The following UBE2Q1 variants were observed in gnomAD, a reference collection of about 807,000 sequenced individuals.
UBE2Q1 encodes the protein ubiquitin-conjugating enzyme E2 Q1.
UBE2Q1 carries 6 observed loss-of-function variants against 60.1 expected under a neutral mutation model. The observed-to-expected ratio is 0.10, with a 90% CI of 0.05 to 0.20. UBE2Q1 has a LOEUF of 0.20. Ranked by LOEUF, UBE2Q1 falls within the 10% of genes least tolerant of loss-of-function variation. The pLI is 1.00. For synonymous variants in UBE2Q1, 226 were observed against 208.3 expected, an observed-to-expected ratio of 1.09 and a Z score of -0.73; for missense variants, 262 against 525.8, an observed-to-expected ratio of 0.50 and a Z score of 4.91.
chr1:154,553,310 A>G (rs1010979521), intron 4 of UBE2Q1, 138 bp from the exon 5 acceptor site: 2 of 1,117,126 alleles, frequency 1.8e-6, no homozygotes, highest in Non-Finnish European at 2.5e-6. Context: ...AGTCTTATAA[A>G]CGCAACGTGC....
rs1317814053 is a variant in UBE2Q1 at position 154,550,673 on chromosome 1, G to A, written c.1238-204C>T. On this transcript the variant is annotated intron_variant, in intron 12 of 12. Coordinates refer to ENST00000292211, the MANE Select transcript of UBE2Q1 (RefSeq NM_017582.7). Reference sequence around the variant, plus strand: ...ATGATGTGCCCAACCTGAGATGATGGGAGAGTTAGATGAGCTTTTTCAAAA... The same window carrying A: ...ATGATGTGCCCAACCTGAGATGATGAGAGAGTTAGATGAGCTTTTTCAAAA... The A allele has an allele frequency of 4.1e-6, 4 of 985,242 alleles. No homozygotes were observed. The Admixed American group carries it at 2.5e-4, about 61-fold the overall frequency. The allele number at this position is 985,242 out of a possible 1,614,324, so 61.0% of individuals were successfully genotyped here.
At position 154,553,099 on chromosome 1, in the gene UBE2Q1, C is replaced by T; in HGVS notation, c.662G>A (p.Gly221Asp). Residue 221 changes from glycine to aspartate, a missense_variant, in exon 5 of 13, where the codon GGC becomes GAC. Coordinates refer to ENST00000292211, the MANE Select transcript of UBE2Q1 (RefSeq NM_017582.7). ...GATGGCCAAGTTTTCTTTTCCAATG[C>T]CATCATCTTCAGATTTCTTGCCCTC... ...PAEGKKSEDD[G>D]IGKENLAILE... The T allele has an allele frequency of 6.2e-7, 1 of 1,614,092 alleles. No homozygotes were observed. The highest frequency in any genetic ancestry group is 8.5e-7 in the Non-Finnish European group (1 of 1,180,032).
Position 154,558,614 on chromosome 1 carries a change from T to TCCG in UBE2Q1, c.-64_-62dup, listed in dbSNP as rs368389808. On this transcript the variant is annotated 5_prime_UTR_variant, in exon 1 of 13. Coordinates refer to ENST00000292211, the MANE Select transcript of UBE2Q1 (RefSeq NM_017582.7). ...GGAGCCTCCGGCCTGCGCTCCGGGCTCCGCCGCCGCCGCCGCCGCCGCCGC... is the reference window on the plus strand; with the variant it reads ...GGAGCCTCCGGCCTGCGCTCCGGGCTCCGCCGCCGCCGCCGCCGCCGCCGCCGC... The TCCG allele has an allele frequency of 5.6e-3, 5,103 of 915,924 alleles. 12 individuals are homozygous for TCCG. Among genetic ancestry groups the TCCG allele is most frequent in the African/African-American group, 0.011 (563 of 52,996 alleles). The allele number at this position is 915,924 out of a possible 1,614,324, so 56.7% of individuals were successfully genotyped here.
At chr1:154,555,612 G>C in intron 2 of UBE2Q1, 80 bp from the exon 3 acceptor site, 1 of 1,331,020 alleles carries the variant, frequency 7.5e-7, no homozygotes, top group Non-Finnish European at 1.1e-6. Context: ...TCTTAGTTTG[G>C]GCCCCACACC....
chr1:154,553,303 C>A, intron 4 of UBE2Q1, 131 bp from the exon 5 acceptor site: 1 of 1,181,946 alleles, frequency 8.5e-7, no homozygotes, highest in Non-Finnish European at 1.2e-6. Context: ...ATCTAGCAGT[C>A]TTATAAACGC....
At chr1:154,554,382 C>T (rs893626209) in intron 4 of UBE2Q1, among the ~76,000 whole-genome samples, 1 of 152,190 alleles carries the variant, frequency 6.6e-6, no homozygotes, top group Admixed American at 6.5e-5. Flanking sequence ...CAACCATATG[C>T]AGTAGGTATT....
intron 4 of UBE2Q1, 93 bp from the exon 5 acceptor site, chr1:154,553,265 A>G: frequency 1.3e-6 from 2 of 1,494,276 alleles, no homozygotes; most frequent in East Asian, 4.6e-5. Context: ...CATTTGGCGA[A>G]GAGCCAAAAG....
Position 154,556,149 on chromosome 1 carries a change from G to C in UBE2Q1, c.328-185C>G, listed in dbSNP as rs555549442. On this transcript the variant is annotated intron_variant, in intron 1 of 12. Transcript: ENST00000292211. Reference sequence around the variant, plus strand: ...CAGCTTCACAACAAATTCTAAACTGGAAGAAAAACAGTCCCTGGGAAGACC... The same window carrying C: ...CAGCTTCACAACAAATTCTAAACTGCAAGAAAAACAGTCCCTGGGAAGACC... Among the ~76,000 whole-genome samples the C allele has an allele frequency of 2.7e-5, 4 of 148,130 alleles. No homozygotes were observed. In the Admixed American group the frequency reaches 2.8e-4, roughly 10 times the overall value.
rs1241671911 is a variant in UBE2Q1 at position 154,558,428 on chromosome 1, C to A, written c.126G>T (p.Arg42Ser). Residue 42 changes from arginine to serine, a missense_variant, in exon 1 of 13, where the codon AGG (arginine) becomes AGT (serine). Coordinates refer to ENST00000292211, the MANE Select transcript of UBE2Q1 (RefSeq NM_017582.7). ...TGGACTCGAGCAGCTTCAGCTCTCG[C>A]CTCAGGCAGGGCCCCGGCCCCGGGC... ...GGGPGPGPCL[R>S]RELKLLESIF... 2.7e-6 allele frequency: 4 copies of A among 1,503,282 alleles called. No homozygotes were observed. The highest frequency in any genetic ancestry group is 2.7e-6 in the Non-Finnish European group (3 of 1,130,058). 93.1% of individuals were successfully genotyped at this position (1,503,282 alleles called of 1,614,324 possible). A position where few individuals can be genotyped will look rare whatever the true frequency, so the allele number is the denominator to read the frequency against.
At chr1:154,557,196 A>G (rs1695905897) in intron 1 of UBE2Q1, among the ~76,000 whole-genome samples, 1 of 152,228 alleles carries the variant, frequency 6.6e-6, no homozygotes, top group Admixed American at 6.5e-5. Context: ...TCAGGCCCCC[A>G]AGTAGCAGAG....
Position 154,558,302 on chromosome 1 carries a change from C to G in UBE2Q1, c.252G>C (p.Gly84=). The G allele has an allele frequency of 6.3e-7, 1 of 1,583,074 alleles. No individual in the cohort carries two copies. Among genetic ancestry groups the G allele is most frequent in the Non-Finnish European group, 8.6e-7 (1 of 1,168,110 alleles). Residue 84 remains glycine, a synonymous_variant, in exon 1 of 13, where the codon GGG becomes GGC. Coordinates refer to ENST00000292211, the MANE Select transcript of UBE2Q1 (RefSeq NM_017582.7). ...LLAGAGGAGA[G]AAPGPHLPPR... ...GGGGGAGATGCGGTCCGGGCGCGGC[C>G]CCCGCCCCGGCCCCTCCGGCCCCAG...
intron 12 of UBE2Q1, 117 bp downstream of exon 12, chr1:154,550,821 T>A: frequency 6.3e-7 from 1 of 1,582,588 alleles, no homozygotes; most frequent in Non-Finnish European, 8.6e-7. Flanking sequence ...GCAGGTGCTG[T>A]GTTAATGGGT....
At chr1:154,553,915 T>C (rs749788673) in intron 4 of UBE2Q1, among the ~76,000 whole-genome samples, 15 of 152,302 alleles carry the variant, frequency 9.8e-5, no homozygotes, top group Non-Finnish European at 2.2e-4. Context: ...CGTCAGCCCT[T>C]TGCCAGTCTC....
rs1695749769 is a variant in UBE2Q1, at chr1:154,549,201, C to G, written c.*1237G>C. 1 of 152,308 alleles carries G rather than the reference C, an allele frequency of 6.6e-6. No individual in the cohort carries two copies. The highest frequency in any genetic ancestry group is 1.5e-5 in the Non-Finnish European group (1 of 68,088). The allele number at this position is 152,308 out of a possible 1,614,324, so 9.4% of individuals were successfully genotyped here. A position where few individuals can be genotyped will look rare whatever the true frequency, so the allele number is the denominator to read the frequency against. ...AGTCATGCCCAAACTTTTACAACAG[C>G]AAGTACATACAACACAGCACTGACA... On this transcript the variant is annotated 3_prime_UTR_variant, in exon 13 of 13. Coordinates refer to ENST00000292211, the MANE Select transcript of UBE2Q1 (RefSeq NM_017582.7).
chr1:154,555,797 G>C, intron 2 of UBE2Q1, 63 bp downstream of exon 2: 1 of 1,450,180 alleles, frequency 6.9e-7, no homozygotes, highest in Non-Finnish European at 9.7e-7. Context: ...CCCTTTCACA[G>C]GATGCCTTTG....
intron 1 of UBE2Q1, among the ~76,000 whole-genome samples, chr1:154,557,892 G>A (rs1311782666): frequency 6.6e-6 from 1 of 152,016 alleles, no homozygotes; most frequent in Non-Finnish European, 1.5e-5. Context: ...AAGAGTAAGG[G>A]GAAGAAAGAC....
chr1:154,550,769 T>C, intron 12 of UBE2Q1, 169 bp downstream of exon 12: 1 of 985,352 alleles, frequency 1.0e-6, no homozygotes, highest in East Asian at 1.1e-4. Context: ...TGGAAGAGGT[T>C]GTGAATGTTA....
At chr1:154,556,043 C>T (rs753224331) in intron 1 of UBE2Q1, 79 bp from the exon 2 acceptor site, 6 of 1,286,958 alleles carry the variant, frequency 4.7e-6, no homozygotes, top group Non-Finnish European at 6.7e-6. Context: ...CTCTTCCCCC[C>T]AAGACTTCTA....
chr1:154,555,602 T>C, intron 2 of UBE2Q1, 70 bp from the exon 3 acceptor site: 1 of 1,446,428 alleles, frequency 6.9e-7, no homozygotes, highest in Non-Finnish European at 9.7e-7. Context: ...ATGGATGAGC[T>C]CTTAGTTTGG....
Sources: allele counts gnomAD v4.1 joint callset (sites outside exome capture counted in the v4.1 genomes callset), GRCh38; gene constraint gnomAD v4.1.1; transcripts MANE v1.5; gene names NCBI Gene and HGNC (gene_info 2026-07-23, HGNC 2026-07-21).